The following HOOK3 variants were observed in gnomAD, a reference collection of about 807,000 sequenced individuals.
HOOK3 encodes hook microtubule tethering protein 3.
Under a neutral mutation model 116.3 loss-of-function variants are expected in HOOK3, and 24 were observed. That is an observed-to-expected ratio of 0.21 (90% CI 0.15 to 0.29). HOOK3 has a LOEUF of 0.29. Among genes scored for constraint, HOOK3 ranks in the 10% least tolerant of loss-of-function variants. The probability of loss-of-function intolerance (pLI) is 1.00; values close to 1 mark genes in which losing one functional copy is unlikely to be tolerated. For synonymous variants in HOOK3, 275 were observed against 283.0 expected, an observed-to-expected ratio of 0.97 and a Z score of 0.28; for missense variants, 632 against 830.2, an observed-to-expected ratio of 0.76 and a Z score of 2.93.
intron 15 of HOOK3, among the ~76,000 whole-genome samples, chr8:42,991,603 G>T (rs60292433): frequency 0.13 from 19,747 of 151,800 alleles, 1,765 homozygotes; most frequent in African/African-American, 0.25. Flanking sequence ...GGTTTTGCCC[G>T]GTTGGCTGGG....
intron 2 of HOOK3, 39 bp downstream of exon 2, chr8:42,906,297 C>A: frequency 1.5e-6 from 2 of 1,328,806 alleles, no homozygotes; most frequent in Non-Finnish European, 2.2e-6. Flanking sequence ...TATTCTTATG[C>A]ATGGATATTT....
chr8:42,945,362 T>C, intron 5 of HOOK3, among the ~76,000 whole-genome samples: 1 of 152,146 alleles, frequency 6.6e-6, no homozygotes, highest in Non-Finnish European at 1.5e-5. Context: ...CAGGCTGGAG[T>C]GCAGTGGCAT....
At chr8:42,956,265 T>TGTGTGTGTGTGTGTGTGTGTGTGTG (rs1554512121) in intron 6 of HOOK3, among the ~76,000 whole-genome samples, 2 of 149,224 alleles carry the variant, frequency 1.3e-5, no homozygotes, top group Non-Finnish European at 1.5e-5. Flanking sequence ...TGTGTGTGTG[T>TGTGTGTGTGTGTGTGTGTGTGTGTG]TATCATTAAA....
Position 42,904,100 on chromosome 8 carries a change from C to T in HOOK3, c.58-2073C>T, listed in dbSNP as rs1260061651. 2.6e-5 allele frequency among the ~76,000 whole-genome samples: 4 copies of T among 152,150 alleles called. No individual in the cohort carries two copies. In the South Asian group the frequency reaches 6.2e-4, roughly 24 times the overall value. ...TATCAAAAACCGTAAAATGTTCATACACTTTTTGACCTAGCAGTTTTACTT... is the reference window on the plus strand; with the variant it reads ...TATCAAAAACCGTAAAATGTTCATATACTTTTTGACCTAGCAGTTTTACTT... On this transcript the variant is annotated intron_variant, in intron 1 of 21. Coordinates refer to ENST00000307602, the MANE Select transcript of HOOK3 (RefSeq NM_032410.4).
chr8:42,961,224 A>T (rs1364406800), intron 8 of HOOK3, among the ~76,000 whole-genome samples: 2 of 152,242 alleles, frequency 1.3e-5, no homozygotes, highest in African/African-American at 4.8e-5. Context: ...TGAGATTTGG[A>T]GGGGATAAAT....
intron 21 of HOOK3, among the ~76,000 whole-genome samples, chr8:43,014,600 T>A (rs962902654): frequency 1.3e-5 from 2 of 151,968 alleles, no homozygotes; most frequent in Non-Finnish European, 2.9e-5. Flanking sequence ...TCCACCTGCC[T>A]TGGCCTCCCA....
chr8:42,937,696 G>A (rs143174908), intron 4 of HOOK3, among the ~76,000 whole-genome samples: 2,185 of 152,178 alleles, frequency 0.014, 50 homozygotes, highest in African/African-American at 0.051. Context: ...GTAGTTGTGC[G>A]GTTTTGAATG....
In HOOK3 at chr8:43,024,181, C is replaced by T. The variant is rs771075172; in HGVS notation, c.*5683C>T. 14 of 203,338 alleles carry T rather than the reference C, an allele frequency of 6.9e-5. No homozygotes were observed. The highest frequency in any genetic ancestry group is 1.3e-4 in the Non-Finnish European group (13 of 99,144). 12.6% of individuals were successfully genotyped at this position (203,338 alleles called of 1,614,324 possible). On this transcript the variant is annotated 3_prime_UTR_variant, in exon 22 of 22. Coordinates refer to ENST00000307602, the MANE Select transcript of HOOK3 (RefSeq NM_032410.4). ...CTTTTTGCTGAGGGCAAAATAACAACATGAAGACAAAGTGCTTTTTGTTGT... is the reference window on the plus strand; with the variant it reads ...CTTTTTGCTGAGGGCAAAATAACAATATGAAGACAAAGTGCTTTTTGTTGT...
At chr8:42,934,489 C>G (rs1807928012) in intron 4 of HOOK3, among the ~76,000 whole-genome samples, 1 of 151,976 alleles carries the variant, frequency 6.6e-6, no homozygotes, top group Admixed American at 6.6e-5. Flanking sequence ...GTTTGCTGCA[C>G]CCATCAACCC....
chr8:43,018,458 G>C lies in HOOK3; in HGVS notation c.2117G>C (p.Arg706Thr), dbSNP rs1038468113. 1 of 1,613,750 alleles carries C rather than the reference G, an allele frequency of 6.2e-7. No homozygotes were observed. Among genetic ancestry groups the C allele is most frequent in the African/African-American group, 1.3e-5 (1 of 75,040 alleles). Residue 706 changes from arginine (R) to threonine (T), a missense_variant, in exon 22 of 22, where the codon AGA (arginine) becomes ACA (threonine). Transcript: ENST00000307602. ...CAGAGGCAAGCGACCAGCAGCAGAA[G>C]ATCATACCCAGGCCACGTGCAGCCG... is the stretch of plus-strand genomic sequence containing the variant. ...ARQRQATSSR[R>T]SYPGHVQPAT...
intron 21 of HOOK3, among the ~76,000 whole-genome samples, chr8:43,014,512 C>T (rs1290056148): frequency 3.3e-5 from 5 of 151,656 alleles, no homozygotes; most frequent in Non-Finnish European, 5.9e-5. Flanking sequence ...CCAGCACGCC[C>T]GAATAATTTT....
chr8:42,948,332 A>G (rs185184903), intron 5 of HOOK3, among the ~76,000 whole-genome samples: 13 of 152,358 alleles, frequency 8.5e-5, no homozygotes, highest in South Asian at 2.1e-4. Context: ...CCTCATAGAC[A>G]CACACCCGGT....
intron 8 of HOOK3, among the ~76,000 whole-genome samples, chr8:42,960,529 G>A (rs72644068): frequency 3.3e-4 from 50 of 152,306 alleles, no homozygotes; most frequent in Non-Finnish European, 3.5e-4. Context: ...TATTGTAAAA[G>A]TTAAGATGCC....
chr8:42,966,508 G>C lies in HOOK3; in HGVS notation c.815G>C (p.Cys272Ser). The change falls in exon 10 of 22, where the codon TGT (cysteine) becomes TCT (serine). Residue 272 changes from cysteine to serine, a missense_variant. Physicochemically the swap from Cys to Ser is moderately radical, Grantham distance 112. Around this residue, in one of 3 missense-constraint regions of HOOK3, gnomAD observed 483 missense variants for 648.1 expected, o/e 0.75. Coordinates refer to ENST00000307602, the MANE Select transcript of HOOK3 (RefSeq NM_032410.4). ...GCCAAAGATGATTATCGAATACGTT[G>C]TGAAGAGTTAGAAAAGGAGATCTCT... Reference protein sequence around the residue: ...EAAKDDYRIRCEELEKEISEL... With the variant: ...EAAKDDYRIRSEELEKEISEL... The C allele has an allele frequency of 6.2e-7, 1 of 1,614,146 alleles. No homozygotes were observed. Among genetic ancestry groups the C allele is most frequent in the Non-Finnish European group, 8.5e-7 (1 of 1,180,002 alleles).
chr8:42,955,853 GTAC>G (rs1326761122), intron 6 of HOOK3, among the ~76,000 whole-genome samples: 1 of 152,190 alleles, frequency 6.6e-6, no homozygotes, highest in Non-Finnish European at 1.5e-5. Context: ...GATCTCAACA[GTAC>G]ATCCTTTTGC....
intron 15 of HOOK3, among the ~76,000 whole-genome samples, chr8:42,992,399 CAAAAAAAA>C (rs36048747): frequency 1.8e-4 from 7 of 38,942 alleles, no homozygotes; most frequent in Admixed American, 1.5e-3. Context: ...GACTCTGTCT[CAAAAAAAA>C]AAAAAAAAAA....
At chr8:42,926,047 C>T (rs757107960) in intron 3 of HOOK3, among the ~76,000 whole-genome samples, 7 of 152,122 alleles carry the variant, frequency 4.6e-5, no homozygotes, top group South Asian at 4.1e-4. Flanking sequence ...TTAACTGTAT[C>T]GTAAACACTC....
At chr8:42,970,075 G>A (rs1003390399) in intron 11 of HOOK3, among the ~76,000 whole-genome samples, 1 of 151,974 alleles carries the variant, frequency 6.6e-6, no homozygotes, top group African/African-American at 2.4e-5. Flanking sequence ...GCACATTTAG[G>A]TATTTAATCC....
At position 42,981,713 on chromosome 8, in the gene HOOK3, A is replaced by G. The variant is rs576845376; in HGVS notation, c.1322-914A>G. On this transcript the variant is annotated intron_variant, in intron 13 of 21. Transcript: ENST00000307602. ...AGCCTGGCCAACATGGTGAAACCCC[A>G]TCTCTACTACAAATGCAAAAATTAG... is the stretch of plus-strand genomic sequence containing the variant. Among the ~76,000 whole-genome samples the G allele has an allele frequency of 3.4e-4, 51 of 151,194 alleles. No homozygotes were observed. The East Asian group carries it at 7.8e-3, about 23-fold the overall frequency.
Sources: allele counts gnomAD v4.1 joint callset (sites outside exome capture counted in the v4.1 genomes callset), GRCh38; gene constraint gnomAD v4.1.1; regional missense constraint gnomAD v4.1.1; transcripts MANE v1.5; gene names NCBI Gene and HGNC (gene_info 2026-07-23, HGNC 2026-07-21).